The following HMCN1 variants were observed in gnomAD, a reference collection of about 807,000 sequenced individuals.
HMCN1 encodes hemicentin-1.
Under a neutral mutation model 625.9 loss-of-function variants are expected in HMCN1, and 321 were observed. That is an observed-to-expected ratio of 0.51 (90% confidence interval 0.47 to 0.56). HMCN1 has a LOEUF of 0.56. Among genes scored for constraint, HMCN1 ranks in the 20% least tolerant of loss-of-function variants. The probability of loss-of-function intolerance (pLI) is 0.00; values close to 1 mark genes in which losing one functional copy is unlikely to be tolerated. For synonymous variants in HMCN1, 2,425 were observed against 2,417.6 expected (o/e 1.00, Z -0.09); for missense variants, 6,588 against 6,887.3 (o/e 0.96, Z 1.54).
chr1:185,964,656 T>A (rs1432442127), intron 13 of HMCN1, among the ~76,000 whole-genome samples: 1 of 152,114 alleles, frequency 6.6e-6, no homozygotes, highest in African/African-American at 2.4e-5. Context: ...TGGGGGTGGA[T>A]ATATACGGAA....
intron 11 of HMCN1, 33 bp from the exon 12 acceptor site, chr1:185,962,485 C>G (rs1650094908): frequency 6.3e-7 from 1 of 1,595,472 alleles, no homozygotes; most frequent in African/African-American, 1.3e-5. Flanking sequence ...GATAAATTGG[C>G]ATTTTTCTAC....
At chr1:186,167,039 G>C in intron 100 of HMCN1, 97 bp downstream of exon 100, 1 of 1,458,942 alleles carries the variant, frequency 6.9e-7, no homozygotes, top group Non-Finnish European at 9.6e-7. Flanking sequence ...AACTCCACGA[G>C]GAAGGGACCA....
At chr1:185,911,992 G>A (rs1172068834) in intron 6 of HMCN1, among the ~76,000 whole-genome samples, 4 of 152,090 alleles carry the variant, frequency 2.6e-5, no homozygotes, top group East Asian at 3.9e-4. Context: ...ATTGCCACAC[G>A]ATACACTTAC....
intron 48 of HMCN1, among the ~76,000 whole-genome samples, chr1:186,063,085 T>A (rs1195259033): frequency 7.9e-6 from 1 of 126,840 alleles, no homozygotes; most frequent in Non-Finnish European, 1.6e-5. Flanking sequence ...TATATATATA[T>A]ATATATATAT....
chr1:186,036,370 C>T (rs953876733), intron 36 of HMCN1, among the ~76,000 whole-genome samples: 1 of 152,070 alleles, frequency 6.6e-6, no homozygotes, highest in South Asian at 2.1e-4. Context: ...AGGCAAAAGG[C>T]ACATCTCACA....
At chr1:186,157,868 C>G (rs548297330) in intron 97 of HMCN1, among the ~76,000 whole-genome samples, 16 of 152,066 alleles carry the variant, frequency 1.1e-4, no homozygotes, top group Non-Finnish European at 2.2e-4. Flanking sequence ...GGTTCCAAGT[C>G]TTTGCTATTG....
In HMCN1 at chr1:186,055,645, C is replaced by T. The variant is rs759785023; in HGVS notation, c.7115C>T (p.Thr2372Ile). Residue 2372 changes from threonine to isoleucine, a missense_variant, in exon 45 of 107, where the codon ACT becomes ATT. Thr to Ile is a moderately conservative substitution (Grantham distance 89). This residue lies in a region of HMCN1 where 4,628 missense variants were observed against 4,853.1 expected (regional missense o/e 0.95). Transcript: ENST00000271588. ...VCVAVNVAGMTDKKYDLSVHA... is the reference protein window; with the variant it reads ...VCVAVNVAGMIDKKYDLSVHA... ...GTTGCTGTGAATGTAGCAGGAATGA[C>T]TGACAAAAAATATGACTTAAGTGTC... 14 of 1,612,614 alleles carry T rather than the reference C, an allele frequency of 8.7e-6. No homozygotes were observed. Among genetic ancestry groups the T allele is most frequent in the Non-Finnish European group, 1.0e-5 (12 of 1,179,018 alleles).
intron 1 of HMCN1, among the ~76,000 whole-genome samples, chr1:185,762,178 G>T (rs1383858253): frequency 6.6e-6 from 1 of 152,172 alleles, no homozygotes; most frequent in Non-Finnish European, 1.5e-5. Context: ...TTTCAATTCT[G>T]CCTGGAAAGG....
chr1:185,859,695 G>A (rs930623047), intron 2 of HMCN1, among the ~76,000 whole-genome samples: 2 of 151,804 alleles, frequency 1.3e-5, no homozygotes, highest in Non-Finnish European at 2.9e-5. Context: ...ATGGAGTCTC[G>A]CTGGGAGTCA....
In HMCN1 at chr1:186,000,211, A is replaced by G. The variant is rs760566603; in HGVS notation, c.4041A>G (p.Thr1347=). 6.2e-7 allele frequency: 1 copy of G among 1,613,068 alleles called. No homozygotes were observed. The highest frequency in any genetic ancestry group is 8.5e-7 in the Non-Finnish European group (1 of 1,179,358). Residue 1347 remains threonine, a synonymous_variant, in exon 26 of 107, where the codon ACA becomes ACG. Coordinates refer to ENST00000271588, the MANE Select transcript of HMCN1 (RefSeq NM_031935.3). ...TGGCAGTCAATGAAGCTGGAACCAC[A>G]GAAAGAAAATATAACCTCAAAGTCC... is the stretch of plus-strand genomic sequence containing the variant. ...ICVAVNEAGT[T]ERKYNLKVHV...
intron 104 of HMCN1, among the ~76,000 whole-genome samples, chr1:186,181,439 T>C (rs1407828645): frequency 1.3e-5 from 2 of 152,190 alleles, no homozygotes; most frequent in Non-Finnish European, 2.9e-5. Context: ...TAGCCCTTTA[T>C]AGACTACTTT....
chr1:185,883,423 G>A (rs1664433162), intron 4 of HMCN1, among the ~76,000 whole-genome samples: 1 of 151,938 alleles, frequency 6.6e-6, no homozygotes, highest in South Asian at 2.1e-4. Context: ...TCTGCTCCCT[G>A]TCATTCAGGC....
At chr1:185,809,511 AATAT>A (rs993338403) in intron 1 of HMCN1, among the ~76,000 whole-genome samples, 1 of 150,606 alleles carries the variant, frequency 6.6e-6, no homozygotes, top group South Asian at 2.1e-4. Context: ...TTCTAGGCAT[AATAT>A]ATATATATAA....
chr1:186,025,288 CTGTGGCCCAGGGT>C (rs1426276304), intron 36 of HMCN1, among the ~76,000 whole-genome samples: 1 of 152,148 alleles, frequency 6.6e-6, no homozygotes, highest in Non-Finnish European at 1.5e-5. Flanking sequence ...TGGTATCAGT[CTGTGGCCCAGGGT>C]TGGGGACCCC....
chr1:185,743,964 T>G (rs1283971454), intron 1 of HMCN1, among the ~76,000 whole-genome samples: 2 of 151,334 alleles, frequency 1.3e-5, no homozygotes, highest in East Asian at 3.9e-4. Context: ...AGATTCTACT[T>G]GATGACTTTA....
chr1:185,994,858 A>C lies in HMCN1; in HGVS notation c.3549A>C (p.Gln1183His). ...IQRGPKHLKV[Q>H]VGQRVDIPCN... is the part of the protein sequence containing the mutation. Reference sequence around the variant, plus strand: ...GTGGACCTAAACATCTCAAAGTCCAAGTTGGTCAAAGAGTGGATATTCCAT... The same window carrying C: ...GTGGACCTAAACATCTCAAAGTCCACGTTGGTCAAAGAGTGGATATTCCAT... Residue 1183 changes from glutamine (Q) to histidine (H), a missense_variant, in exon 24 of 107, where the codon CAA (glutamine) becomes CAC (histidine). Gln to His is a conservative substitution (Grantham distance 24). Transcript: ENST00000271588. The C allele has an allele frequency of 6.2e-7, 1 of 1,613,718 alleles. No homozygotes were observed. The highest frequency in any genetic ancestry group is 8.5e-7 in the Non-Finnish European group (1 of 1,179,690).
intron 6 of HMCN1, among the ~76,000 whole-genome samples, chr1:185,921,811 A>G (rs1462780198): frequency 1.3e-5 from 2 of 152,214 alleles, no homozygotes; most frequent in Admixed American, 1.3e-4. Context: ...ATTCAGATTC[A>G]GTAAATCTAG....
At chr1:185,775,354 A>G (rs923327370) in intron 1 of HMCN1, among the ~76,000 whole-genome samples, 5 of 152,164 alleles carry the variant, frequency 3.3e-5, no homozygotes, top group African/African-American at 1.2e-4. Context: ...AGTGTGCTAT[A>G]ATCATGCCTG....
chr1:185,742,353 T>C (rs1654047580), intron 1 of HMCN1, among the ~76,000 whole-genome samples: 1 of 152,228 alleles, frequency 6.6e-6, no homozygotes, highest in South Asian at 2.1e-4. Flanking sequence ...TTTAATACAG[T>C]TCATCAGCCT....
Sources: allele counts gnomAD v4.1 joint callset (sites outside exome capture counted in the v4.1 genomes callset), GRCh38; gene constraint gnomAD v4.1.1; regional missense constraint gnomAD v4.1.1; transcripts MANE v1.5; gene names NCBI Gene and HGNC (gene_info 2026-07-23, HGNC 2026-07-21).